Variants in B3GALT1 observed in about 807,000 individuals in gnomAD.
B3GALT1 encodes the protein UDP-Gal:betaGlcNAc beta 1,3-galactosyltransferase, polypeptide 1.
In B3GALT1, 10 loss-of-function variants were observed where a neutral mutation model predicts 23.2. The observed-to-expected ratio is 0.43, with a 90% CI of 0.27 to 0.73. The LOEUF (loss-of-function observed/expected upper bound fraction) is 0.73. Ranked by LOEUF, B3GALT1 falls within the 30% of genes least tolerant of loss-of-function variation. The pLI, the probability that B3GALT1 is intolerant of heterozygous loss-of-function variation, is 0.21. For synonymous variants in B3GALT1, 156 were observed against 141.5 expected (o/e 1.10, Z -0.73); for missense variants, 299 against 405.4 (o/e 0.74, Z 2.25).
chr2:167,322,118 T>C (rs1029584568), intron 1 of B3GALT1, among the ~76,000 whole-genome samples: 6 of 152,050 alleles, frequency 3.9e-5, no homozygotes, highest in African/African-American at 1.4e-4. Flanking sequence ...AAATTTAGGA[T>C]CTGGTTATTT....
At chr2:167,422,885 A>G (rs1429680146) in intron 1 of B3GALT1, among the ~76,000 whole-genome samples, 3 of 152,072 alleles carry the variant, frequency 2.0e-5, no homozygotes, top group Non-Finnish European at 4.4e-5. Context: ...ATCTTTGGGG[A>G]TAAGGTGATC....
chr2:167,523,721 A>T (rs1258900739), intron 2 of B3GALT1, among the ~76,000 whole-genome samples: 1 of 152,134 alleles, frequency 6.6e-6, no homozygotes, highest in Non-Finnish European at 1.5e-5. Context: ...CACTGCACCC[A>T]GCCTTATTTG....
At chr2:167,459,872 G>A (rs1466596885) in intron 1 of B3GALT1, among the ~76,000 whole-genome samples, 1 of 152,004 alleles carries the variant, frequency 6.6e-6, no homozygotes, top group Non-Finnish European at 1.5e-5. Flanking sequence ...TAGGATTCTT[G>A]GTTGACAGGG....
intron 4 of B3GALT1, among the ~76,000 whole-genome samples, chr2:167,824,294 C>CTT (rs1394012861): frequency 6.6e-6 from 1 of 152,164 alleles, no homozygotes; most frequent in Non-Finnish European, 1.5e-5. Context: ...TAGGATCAGA[C>CTT]TTAGTTTTTA....
intron 1 of B3GALT1, among the ~76,000 whole-genome samples, chr2:167,324,600 A>G (rs747976952): frequency 3.3e-5 from 5 of 152,032 alleles, no homozygotes; most frequent in Non-Finnish European, 7.4e-5. Flanking sequence ...GATATATTAG[A>G]TTTGAACATA....
At chr2:167,715,398 T>A in intron 3 of B3GALT1, 1 of 1,613,030 alleles carries the variant, frequency 6.2e-7, no homozygotes, top group Non-Finnish European at 8.5e-7. Context: ...AAAAGCTGTT[T>A]CTGGCTTTCC....
intron 1 of B3GALT1, among the ~76,000 whole-genome samples, chr2:167,448,001 C>G (rs1699027553): frequency 6.6e-6 from 1 of 152,154 alleles, no homozygotes; most frequent in African/African-American, 2.4e-5. Context: ...TCCTGTATCA[C>G]AATTTCTTTA....
At chr2:167,677,447 C>T (rs1253113952) in intron 3 of B3GALT1, among the ~76,000 whole-genome samples, 1 of 152,248 alleles carries the variant, frequency 6.6e-6, no homozygotes, top group East Asian at 1.9e-4. Flanking sequence ...CACCATCCCA[C>T]TCTAACCTTT....
intron 2 of B3GALT1, among the ~76,000 whole-genome samples, chr2:167,554,893 A>G (rs2105383307): frequency 6.6e-6 from 1 of 152,302 alleles, no homozygotes; most frequent in Admixed American, 6.5e-5. Flanking sequence ...CACCATAGAA[A>G]AGTTCATGAA....
chr2:167,834,282 A>G (rs1397154133), intron 4 of B3GALT1, among the ~76,000 whole-genome samples: 2 of 152,156 alleles, frequency 1.3e-5, no homozygotes, highest in East Asian at 3.9e-4. Context: ...TAGAAAATTT[A>G]AGCTTGAAGT....
At chr2:167,841,186 T>C (rs1574295536) in intron 4 of B3GALT1, among the ~76,000 whole-genome samples, 1 of 108,300 alleles carries the variant, frequency 9.2e-6, no homozygotes, top group Non-Finnish European at 2.1e-5. Flanking sequence ...AATAAATAAA[T>C]AAATAAGTAA....
intron 1 of B3GALT1, among the ~76,000 whole-genome samples, chr2:167,425,711 A>T (rs1698612903): frequency 6.6e-6 from 1 of 151,964 alleles, no homozygotes; most frequent in African/African-American, 2.4e-5. Context: ...TTTTCTTTTC[A>T]TTTATGCACA....
chr2:167,625,151 A>G (rs1054278536), intron 2 of B3GALT1, among the ~76,000 whole-genome samples: 1 of 151,964 alleles, frequency 6.6e-6, no homozygotes, highest in African/African-American at 2.4e-5. Flanking sequence ...GTGCAGGTAA[A>G]TTGGAAAAGT....
At chr2:167,418,678 C>CT (rs55702273) in intron 1 of B3GALT1, among the ~76,000 whole-genome samples, 28 of 122,948 alleles carry the variant, frequency 2.3e-4, no homozygotes, top group East Asian at 7.0e-4. Context: ...ATTTCTTCCT[C>CT]TTTTTTTTTT....
At chr2:167,435,318 C>T (rs762008310) in intron 1 of B3GALT1, among the ~76,000 whole-genome samples, 5 of 149,858 alleles carry the variant, frequency 3.3e-5, no homozygotes, top group Admixed American at 6.7e-5. Context: ...TTTATTCTAA[C>T]AGTCAATTTT....
At chr2:167,797,625 A>G (rs1247577042) in intron 3 of B3GALT1, among the ~76,000 whole-genome samples, 2 of 152,126 alleles carry the variant, frequency 1.3e-5, no homozygotes, top group African/African-American at 4.8e-5. Context: ...TTTCTTCGCA[A>G]CCTCACCAAC....
intron 1 of B3GALT1, among the ~76,000 whole-genome samples, chr2:167,369,056 CTTATTTGTGTGTGTGTGTGTGTGTG>C: frequency 7.1e-6 from 1 of 140,350 alleles, no homozygotes; most frequent in Middle Eastern, 3.6e-3. Context: ...AGATAAAACT[CTTATTTGTGTGTGTGTGTGTGTGTG>C]TGTGTGTGTG....
chr2:167,311,897 G>A (rs1162569164), intron 1 of B3GALT1, among the ~76,000 whole-genome samples: 2 of 151,900 alleles, frequency 1.3e-5, no homozygotes, highest in Non-Finnish European at 2.9e-5. Context: ...CAGAAAAACA[G>A]GAAAGAGGCA....
chr2:167,440,344 G>GAAAAAA lies in B3GALT1; in HGVS notation c.-510-49818_-510-49813dup, dbSNP rs745706207. 8.2e-3 allele frequency among the ~76,000 whole-genome samples: 575 copies of GAAAAAA among 70,114 alleles called. 6 individuals carry two copies. Among genetic ancestry groups the GAAAAAA allele is most frequent in the African/African-American group, 0.026 (554 of 21,408 alleles). The allele number at this position is 70,114 out of a possible 152,430, so 46.0% of individuals were successfully genotyped here. A position where few individuals can be genotyped will look rare whatever the true frequency, so the allele number is the denominator to read the frequency against. ...TGGGTAACAGAGCGAGACTCTGTCT[G>GAAAAAA]AAAAAAAAAAAAAAAAAAAAGAAAT... is the stretch of plus-strand genomic sequence containing the variant. On this transcript the variant is annotated intron_variant, in intron 1 of 4. Transcript: ENST00000392690.
Sources: allele counts gnomAD v4.1 joint callset (sites outside exome capture counted in the v4.1 genomes callset), GRCh38; gene constraint gnomAD v4.1.1; transcripts MANE v1.5; gene names NCBI Gene and HGNC (gene_info 2026-07-23, HGNC 2026-07-21).